Variants in GDA observed in about 807,000 individuals in gnomAD.
GDA encodes the protein guanine deaminase.
In GDA, 18 loss-of-function variants were observed where a neutral mutation model predicts 59.6. That is an observed-to-expected ratio of 0.30 (90% confidence interval 0.21 to 0.45). The LOEUF is 0.45. Ranked by LOEUF, GDA falls within the 20% of genes least tolerant of loss-of-function variation. GDA has a pLI of 1.00. For synonymous variants in GDA, 201 were observed against 201.1 expected, an observed-to-expected ratio of 1.00 and a Z score of 0.00; for missense variants, 427 against 552.3, an observed-to-expected ratio of 0.77 and a Z score of 2.27.
At chr9:72,218,601 G>A (rs1387944769) in intron 5 of GDA, among the ~76,000 whole-genome samples, 1 of 152,150 alleles carries the variant, frequency 6.6e-6, no homozygotes, top group Non-Finnish European at 1.5e-5. Flanking sequence ...ATCCCTGCAG[G>A]CATAAACTGG....
chr9:72,222,439 G>T (rs913238036), intron 6 of GDA, among the ~76,000 whole-genome samples: 1 of 152,006 alleles, frequency 6.6e-6, no homozygotes, highest in Non-Finnish European at 1.5e-5. Context: ...ATTTGTCTAA[G>T]TTCCTTATAG....
At chr9:72,160,310 A>G (rs1486078751) in intron 1 of GDA, among the ~76,000 whole-genome samples, 2 of 152,022 alleles carry the variant, frequency 1.3e-5, no homozygotes, top group African/African-American at 4.8e-5. Flanking sequence ...CTCTGTCTCA[A>G]ACAAAATAAA....
intron 1 of GDA, among the ~76,000 whole-genome samples, chr9:72,190,938 G>A (rs754447174): frequency 2.5e-4 from 38 of 151,880 alleles, no homozygotes; most frequent in Admixed American, 3.9e-4. Flanking sequence ...TAAAATAAGG[G>A]GCAGCATCAA....
At position 72,249,132 on chromosome 9, in the gene GDA, A is replaced by G. The variant is rs991880408; in HGVS notation, c.*790A>G. On this transcript the variant is annotated 3_prime_UTR_variant, in exon 14 of 14. Coordinates refer to ENST00000358399, the MANE Select transcript of GDA (RefSeq NM_004293.5). The stretch of plus-strand genomic sequence containing the variant: ...TGTATTTTTGTGTACTTTAAAATCA[A>G]CTTATAACTGTGAGATGTTATTGCT... The G allele has an allele frequency of 6.1e-6, 6 of 979,772 alleles. No homozygotes were observed. The highest frequency in any genetic ancestry group is 1.7e-5 in the African/African-American group (1 of 57,146). The allele number at this position is 979,772 out of a possible 1,614,324, so 60.7% of individuals were successfully genotyped here. A position where few individuals can be genotyped will look rare whatever the true frequency, so the allele number is the denominator to read the frequency against.
Position 72,223,368 on chromosome 9 carries a change from A to G in GDA, c.714+141A>G, listed in dbSNP as rs987692305. On this transcript the variant is annotated intron_variant, in intron 7 of 13. Coordinates refer to ENST00000358399, the MANE Select transcript of GDA (RefSeq NM_004293.5). The stretch of plus-strand genomic sequence containing the variant: ...CTGAGATATCCTAGAGTCACAGCAT[A>G]ACAGGAGAGAAAGGACCCCTGTAGA... 5.2e-6 allele frequency: 3 copies of G among 575,828 alleles called. No individual in the cohort carries two copies. The African/African-American group carries it at 5.7e-5, about 11-fold the overall frequency. The allele number at this position is 575,828 out of a possible 1,614,324, so 35.7% of individuals were successfully genotyped here.
chr9:72,173,322 C>T (rs13299869), intron 1 of GDA, among the ~76,000 whole-genome samples: 7 of 151,804 alleles, frequency 4.6e-5, no homozygotes, highest in African/African-American at 1.7e-4. Context: ...AAATACTGCT[C>T]TGACTTCCCC....
chr9:72,123,785 C>T (rs1160724989), intron 1 of GDA, among the ~76,000 whole-genome samples: 1 of 152,170 alleles, frequency 6.6e-6, no homozygotes, highest in African/African-American at 2.4e-5. Flanking sequence ...CTGCACCCAA[C>T]CCAGAGCTGT....
At chr9:72,258,079 G>A (rs770465511), downstream of GDA, among the ~76,000 whole-genome samples, 1 of 152,100 alleles carries the variant, frequency 6.6e-6, no homozygotes, top group Non-Finnish European at 1.5e-5. Context: ...GGGAGGCTGA[G>A]GTGGGAAAAT....
At chr9:72,168,208 G>A (rs1829541401) in intron 1 of GDA, among the ~76,000 whole-genome samples, 2 of 151,970 alleles carry the variant, frequency 1.3e-5, no homozygotes, top group South Asian at 2.1e-4. Context: ...ACCAGCCTGG[G>A]CAACACAGGG....
At chr9:72,156,299 A>G (rs1827883762) in intron 1 of GDA, among the ~76,000 whole-genome samples, 1 of 152,206 alleles carries the variant, frequency 6.6e-6, no homozygotes, top group African/African-American at 2.4e-5. Flanking sequence ...AATGTTCTTC[A>G]GTTCTGAAGA....
At chr9:72,185,282 T>G (rs1831729805) in intron 1 of GDA, among the ~76,000 whole-genome samples, 1 of 152,216 alleles carries the variant, frequency 6.6e-6, no homozygotes, top group Non-Finnish European at 1.5e-5. Flanking sequence ...TCGGAAGACA[T>G]GTCTAGTTTA....
chr9:72,125,676 C>A (rs1397274857), intron 1 of GDA, among the ~76,000 whole-genome samples: 1 of 152,076 alleles, frequency 6.6e-6, no homozygotes, highest in Non-Finnish European at 1.5e-5. Context: ...CATTCAACAA[C>A]AAGATTTAGC....
intron 10 of GDA, among the ~76,000 whole-genome samples, chr9:72,239,529 C>T (rs1404102855): frequency 2.6e-5 from 4 of 152,072 alleles, no homozygotes; most frequent in East Asian, 1.9e-4. Flanking sequence ...TACTTCCAGT[C>T]GTTACCCATA....
Position 72,251,947 on chromosome 9 carries a change from C to T in GDA, c.*3605C>T, listed in dbSNP as rs1220363446. 2.0e-5 allele frequency: 3 copies of T among 152,314 alleles called. No homozygotes were observed. In the East Asian group the frequency reaches 5.8e-4, roughly 29 times the overall value. 9.4% of individuals were successfully genotyped at this position (152,314 alleles called of 1,614,324 possible). ...GAGGGCTTTCACAGTCCACAGGGTTCAAATGACTTGGGTAACAGAAGTTAT... is the reference window on the plus strand; with the variant it reads ...GAGGGCTTTCACAGTCCACAGGGTTTAAATGACTTGGGTAACAGAAGTTAT... On this transcript the variant is annotated 3_prime_UTR_variant, in exon 14 of 14. Coordinates refer to ENST00000358399, the MANE Select transcript of GDA (RefSeq NM_004293.5).
At chr9:72,204,441 A>G (rs1834416306) in intron 3 of GDA, among the ~76,000 whole-genome samples, 1 of 152,118 alleles carries the variant, frequency 6.6e-6, no homozygotes, top group Admixed American at 6.6e-5. Flanking sequence ...CAAGAAAACA[A>G]TGTCTACTGT....
chr9:72,225,566 G>C, intron 7 of GDA, 111 bp from the exon 8 acceptor site: 1 of 626,526 alleles, frequency 1.6e-6, no homozygotes, highest in Non-Finnish European at 2.9e-6. Flanking sequence ...CTTTCTATGT[G>C]GTCCCTTAAA....
upstream of GDA, among the ~76,000 whole-genome samples, chr9:72,144,856 C>T (rs774026782): frequency 2.0e-5 from 3 of 151,536 alleles, no homozygotes; most frequent in Admixed American, 6.6e-5. Context: ...TTAAAAGGAA[C>T]GCATTTATCC....
At chr9:72,258,844 G>A (rs1040921), downstream of GDA, among the ~76,000 whole-genome samples, 930 of 152,178 alleles carry the variant, frequency 6.1e-3, 5 homozygotes, top group Non-Finnish European at 8.0e-3. Context: ...GCTGCAGTGT[G>A]CCCCACCATT....
At chr9:72,162,937 G>A (rs977210423) in intron 1 of GDA, among the ~76,000 whole-genome samples, 5 of 152,208 alleles carry the variant, frequency 3.3e-5, no homozygotes, top group African/African-American at 9.7e-5. Flanking sequence ...GATTACAGGC[G>A]TGAGCCAATG....
Sources: allele counts gnomAD v4.1 joint callset (sites outside exome capture counted in the v4.1 genomes callset), GRCh38; gene constraint gnomAD v4.1.1; transcripts MANE v1.5; gene names NCBI Gene and HGNC (gene_info 2026-07-23, HGNC 2026-07-21).